Variants in PLA2G4A observed in about 807,000 individuals in gnomAD.
The protein encoded by PLA2G4A is phospholipase A2 group IVA.
PLA2G4A carries 40 observed loss-of-function variants against 81.9 expected under a neutral mutation model. The ratio of observed to expected loss-of-function variants is 0.49; its 90% CI spans 0.38 to 0.64. The LOEUF is 0.64. PLA2G4A is among the 30% of genes least tolerant of loss of function. The pLI is 0.00. For missense variants in PLA2G4A, 715 were observed against 905.1 expected (o/e 0.79, Z 2.69); for synonymous variants, 302 against 296.9 (o/e 1.02, Z -0.18).
intron 14 of PLA2G4A, among the ~76,000 whole-genome samples, chr1:186,963,082 A>T (rs888225882): frequency 1.3e-5 from 2 of 152,206 alleles, no homozygotes; most frequent in Non-Finnish European, 2.9e-5. Context: ...TAAGAGTCGT[A>T]TAAGAATAGT....
intron 7 of PLA2G4A, among the ~76,000 whole-genome samples, chr1:186,917,592 C>T (rs1411694782): frequency 1.3e-5 from 2 of 152,058 alleles, no homozygotes; most frequent in Non-Finnish European, 2.9e-5. Context: ...TCTTCCGTAC[C>T]AAGTGAGCCA....
intron 7 of PLA2G4A, among the ~76,000 whole-genome samples, chr1:186,926,198 T>G (rs1288243073): frequency 1.1e-4 from 17 of 152,196 alleles, no homozygotes; most frequent in Admixed American, 1.1e-3. Flanking sequence ...CACTCCTCCT[T>G]TTGTGGAAAG....
At chr1:186,890,283 C>T (rs1051977128) in intron 3 of PLA2G4A, among the ~76,000 whole-genome samples, 1 of 152,028 alleles carries the variant, frequency 6.6e-6, no homozygotes, top group Non-Finnish European at 1.5e-5. Flanking sequence ...AAGATCTTTG[C>T]CCTCAAGTTG....
intron 2 of PLA2G4A, among the ~76,000 whole-genome samples, chr1:186,855,806 G>A (rs1454634689): frequency 6.6e-6 from 1 of 151,974 alleles, no homozygotes; most frequent in African/African-American, 2.4e-5. Flanking sequence ...CTATAAATCA[G>A]GCTACCATAT....
intron 1 of PLA2G4A, among the ~76,000 whole-genome samples, chr1:186,842,516 C>A (rs758206546): frequency 1.3e-5 from 2 of 152,136 alleles, no homozygotes; most frequent in Non-Finnish European, 2.9e-5. Flanking sequence ...TACATTGGAA[C>A]CTAAATCCCA....
chr1:186,876,885 T>C (rs1395489249), intron 3 of PLA2G4A, among the ~76,000 whole-genome samples: 2 of 152,098 alleles, frequency 1.3e-5, no homozygotes, highest in Non-Finnish European at 2.9e-5. Flanking sequence ...ATCTCTCCAA[T>C]GTTGCAGCCT....
At chr1:186,956,078 T>C in intron 13 of PLA2G4A, 24 bp from the exon 14 acceptor site, 2 of 1,608,352 alleles carry the variant, frequency 1.2e-6, no homozygotes, top group Non-Finnish European at 1.7e-6. Flanking sequence ...GGAGTCTGTA[T>C]GGTGACCTTT....
intron 2 of PLA2G4A, among the ~76,000 whole-genome samples, chr1:186,868,994 G>A (rs1435193334): frequency 6.6e-6 from 1 of 150,382 alleles, no homozygotes; most frequent in Admixed American, 6.6e-5. Flanking sequence ...CCAAAGTTTG[G>A]TTGCATTGAT....
chr1:186,960,584 C>T (rs1656909505), intron 14 of PLA2G4A, among the ~76,000 whole-genome samples: 1 of 152,162 alleles, frequency 6.6e-6, no homozygotes, highest in African/African-American at 2.4e-5. Context: ...ACAATTCGAT[C>T]TCCTTCTTCA....
Position 186,854,394 on chromosome 1 carries a change from C to A in PLA2G4A, c.33+7C>A. 6.5e-7 allele frequency: 1 copy of A among 1,540,168 alleles called. No individual in the cohort carries two copies. The highest frequency in any genetic ancestry group is 1.1e-5 in the South Asian group (1 of 89,514). Reference sequence around the variant, plus strand: ...TCCTTACCAGCACATTATAGTAAGTCATTCACTGTTTATGAATTCTTTCTT... The same window carrying A: ...TCCTTACCAGCACATTATAGTAAGTAATTCACTGTTTATGAATTCTTTCTT... On this transcript the variant is annotated splice_region_variant and intron_variant, in intron 2 of 17. Transcript: ENST00000367466.
intron 1 of PLA2G4A, among the ~76,000 whole-genome samples, chr1:186,834,233 G>T (rs973080478): frequency 1.3e-5 from 2 of 151,708 alleles, no homozygotes; most frequent in African/African-American, 4.8e-5. Context: ...CAGAGGCCCA[G>T]TATTTTTTTA....
At chr1:186,878,218 G>T in intron 3 of PLA2G4A, among the ~76,000 whole-genome samples, 5 of 129,956 alleles carry the variant, frequency 3.8e-5, no homozygotes, top group Non-Finnish European at 6.5e-5. Context: ...TGTCTTTTCT[G>T]ATATATTTTA....
intron 14 of PLA2G4A, among the ~76,000 whole-genome samples, chr1:186,958,147 T>C (rs959085349): frequency 6.6e-6 from 1 of 152,070 alleles, no homozygotes; most frequent in African/African-American, 2.4e-5. Context: ...TAGTGCAAAC[T>C]CATTATATTT....
intron 3 of PLA2G4A, among the ~76,000 whole-genome samples, chr1:186,889,517 T>G (rs1479551985): frequency 6.6e-6 from 1 of 152,186 alleles, no homozygotes; most frequent in African/African-American, 2.4e-5. Context: ...TGATACCTTG[T>G]TTGTAGATCC....
intron 13 of PLA2G4A, among the ~76,000 whole-genome samples, chr1:186,952,159 G>A (rs573351012): frequency 1.3e-5 from 2 of 152,260 alleles, no homozygotes; most frequent in South Asian, 2.1e-4. Context: ...AGAATTATTT[G>A]TGTATTGATT....
chr1:186,977,607 A>T lies in PLA2G4A; in HGVS notation c.1779A>T (p.Ala593=). ...CTTTCCCATAGGAACTTCTACTTGC[A>T]GAAAAGTGGGCTAAAATGAACAAGC... ...SSPPFKELLL[A]EKWAKMNKLP... Residue 593 remains alanine (A), a synonymous_variant, in exon 16 of 18, where the codon GCA becomes GCT. Transcript: ENST00000367466. 1 of 1,612,358 alleles carries T rather than the reference A, an allele frequency of 6.2e-7. No homozygotes were observed. Among genetic ancestry groups the T allele is most frequent in the Non-Finnish European group, 8.5e-7 (1 of 1,178,398 alleles).
chr1:186,979,302 T>C lies in PLA2G4A; in HGVS notation c.1961-13T>C. The C allele has an allele frequency of 6.2e-7, 1 of 1,600,404 alleles. No individual in the cohort carries two copies. The highest frequency in any genetic ancestry group is 8.6e-7 in the Non-Finnish European group (1 of 1,167,452). The stretch of plus-strand genomic sequence containing the variant: ...TTCAAAATAACACCCTTTGTGACTC[T>C]TCTGGTATTTAGGTGTTCCAAGGGA... On this transcript the variant is annotated splice_polypyrimidine_tract_variant and intron_variant, in intron 16 of 17. Transcript: ENST00000367466.
At chr1:186,964,521 C>T (rs976750140) in intron 14 of PLA2G4A, among the ~76,000 whole-genome samples, 2 of 152,134 alleles carry the variant, frequency 1.3e-5, no homozygotes, top group East Asian at 1.9e-4. Flanking sequence ...TCTAGCTCCT[C>T]CCTCTCCCTG....
intron 3 of PLA2G4A, among the ~76,000 whole-genome samples, chr1:186,891,878 A>C (rs544425362): frequency 6.6e-6 from 1 of 152,082 alleles, no homozygotes; most frequent in Non-Finnish European, 1.5e-5. Context: ...CCTCCAAATT[A>C]TTCTCCATAG....
Sources: allele counts gnomAD v4.1 joint callset (sites outside exome capture counted in the v4.1 genomes callset), GRCh38; gene constraint gnomAD v4.1.1; transcripts MANE v1.5; gene names NCBI Gene and HGNC (gene_info 2026-07-23, HGNC 2026-07-21).